The following RYR1 variants were observed in gnomAD, a reference collection of about 807,000 sequenced individuals.
RYR1 encodes central core disease of muscle.
In RYR1, 342 loss-of-function variants were observed where a neutral mutation model predicts 583.5. The observed-to-expected ratio is 0.59, with a 90% CI of 0.54 to 0.64. The LOEUF (loss-of-function observed/expected upper bound fraction) is 0.64. RYR1 is among the 30% of genes least tolerant of loss of function. The pLI is 0.00. For synonymous variants in RYR1, 2,791 were observed against 2,822.5 expected (o/e 0.99, Z 0.35); for missense variants, 6,032 against 6,917.2 (o/e 0.87, Z 4.54).
intron 47 of RYR1, among the ~76,000 whole-genome samples, chr19:38,501,285 G>A (rs1970106885): frequency 6.6e-6 from 1 of 152,028 alleles, no homozygotes; most frequent in Non-Finnish European, 1.5e-5. Flanking sequence ...GGATCACAAG[G>A]TCAGGAGTTC....
chr19:38,582,849 C>G (rs538170374), intron 101 of RYR1, among the ~76,000 whole-genome samples: 42 of 152,292 alleles, frequency 2.8e-4, no homozygotes, highest in African/African-American at 9.6e-4. Context: ...GTGGGTTCCT[C>G]CCTGCTCTCA....
At chr19:38,462,891 CT>C (rs553168266) in intron 20 of RYR1, among the ~76,000 whole-genome samples, 38 of 78,760 alleles carry the variant, frequency 4.8e-4, no homozygotes, top group Non-Finnish European at 5.5e-4. Context: ...ACTCTCTCTT[CT>C]TTTTTTTTTT....
intron 3 of RYR1, among the ~76,000 whole-genome samples, chr19:38,442,851 C>G (rs1225367324): frequency 6.6e-6 from 1 of 152,200 alleles, no homozygotes; most frequent in Non-Finnish European, 1.5e-5. Flanking sequence ...AGTCCTTTCC[C>G]CCAACCCTGA....
At position 38,561,181 on chromosome 19, in the gene RYR1, T is replaced by C; in HGVS notation, c.12351T>C (p.Asp4117=). ...IQFLLSCSEA[D]ENEMINCEEF... ...TCCTGCTTTCGTGCTCCGAAGCGGA[T>C]GAGAACGAAATGATCAACTGCGAAG... The change falls in exon 90 of 106, where the codon GAT becomes GAC. Residue 4117 remains aspartate, a synonymous_variant. Coordinates refer to ENST00000359596, the MANE Select transcript of RYR1 (RefSeq NM_000540.3). This position sits in a 1 kb window ranked among gnomAD's most constrained non-coding sequence, Gnocchi z 4.8. The C allele has an allele frequency of 6.2e-7, 1 of 1,613,808 alleles. No homozygotes were observed. The highest frequency in any genetic ancestry group is 1.3e-5 in the African/African-American group (1 of 74,936).
chr19:38,466,074 C>A lies in RYR1; in HGVS notation c.2871-17C>A, dbSNP rs1275129006. 1.3e-6 allele frequency: 2 copies of A among 1,598,094 alleles called. No homozygotes were observed. The highest frequency in any genetic ancestry group is 1.1e-5 in the South Asian group (1 of 88,660). ...GAGGTGAGGGCCTTGTCCCATGGAG[C>A]CCTACCATGCCCGCAGGTATATGAT... On this transcript the variant is annotated splice_polypyrimidine_tract_variant and intron_variant, in intron 23 of 105. Transcript: ENST00000359596.
intron 11 of RYR1, among the ~76,000 whole-genome samples, chr19:38,449,616 G>C (rs952103923): frequency 4.6e-5 from 7 of 152,254 alleles, no homozygotes; most frequent in African/African-American, 1.4e-4. Flanking sequence ...GTAGCGACCT[G>C]TTCCCTGCCC....
In RYR1 at chr19:38,510,516, G is replaced by A. The variant is rs781308894; in HGVS notation, c.8951G>A (p.Gly2984Glu). ...IAHLEAVVSS[G>E]RVEKSPHEQE... ...CCTACAGAGGCTGTGGTCAGCAGTG[G>A]GCGAGTGGAAAAGTCCCCACATGAA... Residue 2984 changes from glycine to glutamate, a missense_variant, in exon 59 of 106, where the codon GGG becomes GAG. Coordinates refer to ENST00000359596, the MANE Select transcript of RYR1 (RefSeq NM_000540.3). 1 of 1,614,140 alleles carries A rather than the reference G, an allele frequency of 6.2e-7. No homozygotes were observed. The highest frequency in any genetic ancestry group is 2.2e-5 in the East Asian group (1 of 44,880).
chr19:38,515,312 G>A (rs921774006), intron 64 of RYR1, among the ~76,000 whole-genome samples: 3 of 152,200 alleles, frequency 2.0e-5, no homozygotes, highest in African/African-American at 7.2e-5. Context: ...GTCTGGGGCT[G>A]TGAAGCAGGC....
intron 42 of RYR1, among the ~76,000 whole-genome samples, chr19:38,497,257 T>G (rs1429372455): frequency 1.3e-5 from 2 of 150,508 alleles, no homozygotes; most frequent in South Asian, 2.1e-4. Context: ...GGATCCGCAG[T>G]CTACACTTCC....
chr19:38,506,398 G>C (rs762394265), intron 55 of RYR1, 21 bp downstream of exon 55: 4 of 1,613,794 alleles, frequency 2.5e-6, no homozygotes, highest in Non-Finnish European at 3.4e-6. Flanking sequence ...TGATCCTTTT[G>C]GGGGGACATA....
chr19:38,487,003 A>G (rs76725393), intron 34 of RYR1, among the ~76,000 whole-genome samples: 2,269 of 152,308 alleles, frequency 0.015, 66 homozygotes, highest in African/African-American at 0.052. Context: ...TCATTCATAC[A>G]GCAGTCCATC....
At position 38,565,717 on chromosome 19, in the gene RYR1, G is replaced by A; in HGVS notation, c.13383G>A (p.Thr4461=). Residue 4461 remains threonine (T), a synonymous_variant, in exon 91 of 106, where the codon ACG becomes ACA. Transcript: ENST00000359596. This position sits in a 1 kb window ranked among gnomAD's most constrained non-coding sequence, Gnocchi z 4.7. The part of the protein sequence containing the change: ...AGGLGDMGDT[T]PAEPPTPEGS... ...GTCTCGGGGACATGGGGGACACGAC[G>A]CCTGCGGAACCGCCCACACCCGAGG... 6.3e-6 allele frequency: 9 copies of A among 1,428,886 alleles called. No individual in the cohort carries two copies. Among genetic ancestry groups the A allele is most frequent in the African/African-American group, 1.5e-5 (1 of 66,816 alleles). 88.5% of individuals were successfully genotyped at this position (1,428,886 alleles called of 1,614,324 possible).
intron 83 of RYR1, chr19:38,537,104 G>A (rs2459630): frequency 0.014 from 6,109 of 444,492 alleles, 282 homozygotes; most frequent in African/African-American, 0.1. Flanking sequence ...TCGCAGTCCC[G>A]GTGTGGAGTG....
intron 89 of RYR1, among the ~76,000 whole-genome samples, chr19:38,550,228 T>G (rs1219926706): frequency 6.6e-6 from 1 of 152,142 alleles, no homozygotes; most frequent in Non-Finnish European, 1.5e-5. Flanking sequence ...TTCGTCAATG[T>G]CTTTTCTTTG....
intron 17 of RYR1, 23 bp from the exon 18 acceptor site, chr19:38,458,028 C>A (rs763069264): frequency 1.2e-6 from 2 of 1,612,328 alleles, no homozygotes; most frequent in Non-Finnish European, 8.5e-7. Context: ...TCATCCCCCT[C>A]TCCTGTCCCA....
rs1159843881 is a variant in RYR1, at chr19:38,502,973, G to C, written c.7926+3G>C. 2 of 1,607,736 alleles carry C rather than the reference G, an allele frequency of 1.2e-6. No individual in the cohort carries two copies. Among genetic ancestry groups the C allele is most frequent in the Admixed American group, 3.3e-5 (2 of 60,006 alleles). On this transcript the variant is annotated splice_donor_region_variant and intron_variant, in intron 49 of 105. Coordinates refer to ENST00000359596, the MANE Select transcript of RYR1 (RefSeq NM_000540.3). Reference sequence around the variant, plus strand: ...AGTTCGCCAAGATGCCACTCAAGGTGAGGGCAAGCGCTCTTTAGCATCTCA... The same window carrying C: ...AGTTCGCCAAGATGCCACTCAAGGTCAGGGCAAGCGCTCTTTAGCATCTCA...
chr19:38,464,639 G>T lies in RYR1; in HGVS notation c.2787G>T (p.Lys929Asn). 1 of 1,578,898 alleles carries T rather than the reference G, an allele frequency of 6.3e-7. No individual in the cohort carries two copies. Among genetic ancestry groups the T allele is most frequent in the Non-Finnish European group, 8.6e-7 (1 of 1,162,128 alleles). ...GTCGCCTCCACTCCCCCACCCCCAG[G>T]ACTCTGCTGGCTCTGGGCTGCCACG... is the stretch of plus-strand genomic sequence containing the variant. ...YNLQMSGETL[K>N]TLLALGCHVG... Residue 929 changes from lysine (K) to asparagine (N), a missense_variant and splice_region_variant, in exon 23 of 106, where the codon AAG (lysine) becomes AAT (asparagine). Around this residue, in one of 11 missense-constraint regions of RYR1, gnomAD observed 2,627 missense variants for 2,961.3 expected, o/e 0.89. Transcript: ENST00000359596.
At chr19:38,470,239 A>ACTGCACTCT (rs1968351118) in intron 27 of RYR1, among the ~76,000 whole-genome samples, 1 of 151,938 alleles carries the variant, frequency 6.6e-6, no homozygotes, top group Non-Finnish European at 1.5e-5. Flanking sequence ...GAGACAGAGC[A>ACTGCACTCT]AGACCCTATC....
chr19:38,447,674 T>C (rs1381237245), intron 9 of RYR1, among the ~76,000 whole-genome samples: 1 of 151,744 alleles, frequency 6.6e-6, no homozygotes, highest in Non-Finnish European at 1.5e-5. Flanking sequence ...AAACCCCGTC[T>C]CCACTAAAAA....
Sources: allele counts gnomAD v4.1 joint callset (sites outside exome capture counted in the v4.1 genomes callset), GRCh38; gene constraint gnomAD v4.1.1; regional missense constraint gnomAD v4.1.1; non-coding constraint Gnocchi (gnomAD v3.1); transcripts MANE v1.5; gene names NCBI Gene and HGNC (gene_info 2026-07-23, HGNC 2026-07-21).